The following CXCR5 variants were observed in gnomAD, a reference collection of about 807,000 sequenced individuals.
CXCR5 encodes C-X-C chemokine receptor type 5.
A neutral mutation model predicts 5.6 loss-of-function variants in CXCR5; 3 were observed. The ratio of observed to expected loss-of-function variants is 0.54; its 90% CI spans 0.24 to 1.39. The LOEUF is 1.39. CXCR5 is among the 40% of genes most tolerant of loss of function. The pLI is 0.16. For synonymous variants in CXCR5, 218 were observed against 219.9 expected, an observed-to-expected ratio of 0.99 and a Z score of 0.08; for missense variants, 333 against 494.6, an observed-to-expected ratio of 0.67 and a Z score of 3.10.
At chr11:118,889,543 A>G (rs1458402719) in intron 1 of CXCR5, among the ~76,000 whole-genome samples, 1 of 152,134 alleles carries the variant, frequency 6.6e-6, no homozygotes, top group Non-Finnish European at 1.5e-5. Flanking sequence ...GCCGGAGCCA[A>G]CCTTGCTTTA....
In CXCR5 at chr11:118,891,802, C is replaced by T. The variant is rs534319916; in HGVS notation, c.52-1794C>T. ...AGGAGAATTGCTTGAACCCAGGAGG[C>T]GGAGGTTGCAGTGAGCCGAGATCGT... On this transcript the variant is annotated intron_variant, in intron 1 of 1. Coordinates refer to ENST00000292174, the MANE Select transcript of CXCR5 (RefSeq NM_001716.5). Among the ~76,000 whole-genome samples, 45 of 136,008 alleles carry T rather than the reference C, an allele frequency of 3.3e-4. No homozygotes were observed. In the East Asian group the frequency reaches 0.01, roughly 31 times the overall value. 89.2% of individuals were successfully genotyped at this position (136,008 alleles called of 152,430 possible). A position where few individuals can be genotyped will look rare whatever the true frequency, so the allele number is the denominator to read the frequency against.
At chr11:118,888,101 A>G (rs1030007949) in intron 1 of CXCR5, among the ~76,000 whole-genome samples, 5 of 152,104 alleles carry the variant, frequency 3.3e-5, no homozygotes, top group East Asian at 1.9e-4. Flanking sequence ...GCAGGGCAGG[A>G]CAGACAGAGA....
At position 118,886,740 on chromosome 11, in the gene CXCR5, C is replaced by T. The variant is rs1939720435; in HGVS notation, c.51+2748C>T. 1.4e-5 allele frequency: 3 copies of T among 220,388 alleles called. No homozygotes were observed. In the South Asian group the frequency reaches 1.7e-4, roughly 13 times the overall value. The allele number at this position is 220,388 out of a possible 1,614,324, so 13.7% of individuals were successfully genotyped here. A position where few individuals can be genotyped will look rare whatever the true frequency, so the allele number is the denominator to read the frequency against. ...CTGGTCATAAACTATACCTCCAGCC[C>T]CACCCTGCACACCAGCCGGGAGGGG... On this transcript the variant is annotated intron_variant, in intron 1 of 1. Transcript: ENST00000292174.
intron 1 of CXCR5, among the ~76,000 whole-genome samples, chr11:118,889,525 C>G (rs964270844): frequency 4.6e-5 from 7 of 152,236 alleles, no homozygotes; most frequent in African/African-American, 1.4e-4. Flanking sequence ...TCCTCAATTT[C>G]CCATGAGGCC....
In CXCR5 at chr11:118,893,252, A is replaced by T; in HGVS notation, c.52-344A>T. 3.4e-6 allele frequency: 1 copy of T among 294,770 alleles called. No individual in the cohort carries two copies. The highest frequency in any genetic ancestry group is 5.0e-6 in the Non-Finnish European group (1 of 198,974). 18.3% of individuals were successfully genotyped at this position (294,770 alleles called of 1,614,324 possible). On this transcript the variant is annotated intron_variant, in intron 1 of 1. Transcript: ENST00000292174. The surrounding 1 kb of genome is among the most constrained non-coding windows in gnomAD (Gnocchi z 5.7). ...TTGTACCAAGCAGGTCCATTCCCCAAATTGAAGTCCTGTGACTCCAGCCGC... is the reference window on the plus strand; with the variant it reads ...TTGTACCAAGCAGGTCCATTCCCCATATTGAAGTCCTGTGACTCCAGCCGC...
rs755680507 is a variant in CXCR5 at position 118,893,783 on chromosome 11, G to A, written c.239G>A (p.Arg80Gln). The part of the protein sequence containing the change: ...VLVLVILERH[R>Q]QTRSSTETFL... The stretch of plus-strand genomic sequence containing the variant: ...GTGCTGGTGATCCTGGAGCGGCACC[G>A]GCAGACACGCAGTTCCACGGAGACC... The change falls in exon 2 of 2, where the codon CGG becomes CAG. Residue 80 changes from arginine (R) to glutamine (Q), a missense_variant. Physicochemically the swap from Arg to Gln is conservative, Grantham distance 43 (BLOSUM62 1). Coordinates refer to ENST00000292174, the MANE Select transcript of CXCR5 (RefSeq NM_001716.5). This position sits in a 1 kb window ranked among gnomAD's most constrained non-coding sequence, Gnocchi z 5.7. The A allele has an allele frequency of 1.1e-5, 18 of 1,613,976 alleles. No homozygotes were observed. Among genetic ancestry groups the A allele is most frequent in the South Asian group, 3.3e-5 (3 of 91,088 alleles).
At chr11:118,884,513 C>A (rs1464766365) in intron 1 of CXCR5, among the ~76,000 whole-genome samples, 1 of 151,988 alleles carries the variant, frequency 6.6e-6, no homozygotes, top group African/African-American at 2.4e-5. Context: ...TCTGCTCTGG[C>A]CAGAGAAAAA....
intron 1 of CXCR5, among the ~76,000 whole-genome samples, chr11:118,888,000 G>C (rs1303331432): frequency 6.6e-6 from 1 of 152,146 alleles, no homozygotes; most frequent in African/African-American, 2.4e-5. Context: ...GTCAGGCTGG[G>C]GCATTCACTG....
chr11:118,893,271 C>A lies in CXCR5; in HGVS notation c.52-325C>A. ...TCCCCAAATTGAAGTCCTGTGACTC[C>A]AGCCGCCAAGGCTGCAGGCTTCCGT... On this transcript the variant is annotated intron_variant, in intron 1 of 1. Transcript: ENST00000292174. This position sits in a 1 kb window ranked among gnomAD's most constrained non-coding sequence, Gnocchi z 5.7. 2.2e-6 allele frequency: 1 copy of A among 451,188 alleles called. No homozygotes were observed. Among genetic ancestry groups the A allele is most frequent in the Non-Finnish European group, 2.9e-6 (1 of 342,420 alleles). 27.9% of individuals were successfully genotyped at this position (451,188 alleles called of 1,614,324 possible). A position where few individuals can be genotyped will look rare whatever the true frequency, so the allele number is the denominator to read the frequency against.
chr11:118,891,197 C>T (rs1328699127), intron 1 of CXCR5, among the ~76,000 whole-genome samples: 1 of 152,086 alleles, frequency 6.6e-6, no homozygotes, highest in African/African-American at 2.4e-5. Context: ...GAGATGGGGT[C>T]TCGCTATGTC....
Position 118,896,240 on chromosome 11 carries a change from T to C in CXCR5, c.*1577T>C. 6 of 166,448 alleles carry C rather than the reference T, an allele frequency of 3.6e-5. No individual in the cohort carries two copies. The allele number at this position is 166,448 out of a possible 1,614,324, so 10.3% of individuals were successfully genotyped here. On this transcript the variant is annotated 3_prime_UTR_variant, in exon 2 of 2. Coordinates refer to ENST00000292174, the MANE Select transcript of CXCR5 (RefSeq NM_001716.5). ...AACAAGCCTAAAAATTGTTTCAAAA[T>C]AAAAACCAAGAAGATGTCTTCACAT...
intron 1 of CXCR5, chr11:118,887,307 T>C (rs1021176758): frequency 1.0e-6 from 1 of 985,110 alleles, no homozygotes; most frequent in African/African-American, 1.7e-5. Flanking sequence ...TGGGGAAAAA[T>C]ATTTCCAACC....
intron 1 of CXCR5, among the ~76,000 whole-genome samples, chr11:118,892,351 C>T (rs1391756470): frequency 6.6e-6 from 1 of 152,164 alleles, no homozygotes; most frequent in Non-Finnish European, 1.5e-5. Context: ...TGACCATCCC[C>T]TCCTTGTGGG....
In CXCR5 at chr11:118,894,007, G is replaced by A. The variant is rs377218103; in HGVS notation, c.463G>A (p.Val155Ile). 6.6e-5 allele frequency: 107 copies of A among 1,613,548 alleles called. No homozygotes were observed. The highest frequency in any genetic ancestry group is 1.6e-4 in the Middle Eastern group (1 of 6,084). The change falls in exon 2 of 2, where the codon GTC (valine) becomes ATC (isoleucine). Residue 155 changes from valine to isoleucine, a missense_variant. Physicochemically the swap from Val to Ile is conservative, Grantham distance 29. Coordinates refer to ENST00000292174, the MANE Select transcript of CXCR5 (RefSeq NM_001716.5). This position sits in a 1 kb window ranked among gnomAD's most constrained non-coding sequence, Gnocchi z 6.1. ...CCGCTACCTGGCCATTGTCCACGCC[G>A]TCCATGCCTACCGCCACCGCCGCCT... Reference protein sequence around the residue: ...VDRYLAIVHAVHAYRHRRLLS... With the variant: ...VDRYLAIVHAIHAYRHRRLLS...
At chr11:118,886,334 C>T in intron 1 of CXCR5, 1 of 415,650 alleles carries the variant, frequency 2.4e-6, no homozygotes. Flanking sequence ...CTTTTGGTTA[C>T]ACAAACTTGC....
chr11:118,893,439 G>A lies in CXCR5; in HGVS notation c.52-157G>A. On this transcript the variant is annotated intron_variant, in intron 1 of 1. Transcript: ENST00000292174. This position sits in a 1 kb window ranked among gnomAD's most constrained non-coding sequence, Gnocchi z 5.7. ...TTTGACAGGCGAAAAACTGAAGTTG[G>A]AAAAGACAAAGTGATTTGTTCAAAA... The A allele has an allele frequency of 1.0e-6, 1 of 985,428 alleles. No homozygotes were observed. The highest frequency in any genetic ancestry group is 1.2e-6 in the Non-Finnish European group (1 of 829,940). The allele number at this position is 985,428 out of a possible 1,614,324, so 61.0% of individuals were successfully genotyped here. A position where few individuals can be genotyped will look rare whatever the true frequency, so the allele number is the denominator to read the frequency against.
At chr11:118,892,356 T>C (rs1182599717) in intron 1 of CXCR5, among the ~76,000 whole-genome samples, 1 of 152,068 alleles carries the variant, frequency 6.6e-6, no homozygotes, top group Non-Finnish European at 1.5e-5. Flanking sequence ...ATCCCCTCCT[T>C]GTGGGGGTGC....
At chr11:118,884,139 C>G (rs1939672954) in intron 1 of CXCR5, 147 bp downstream of exon 1, 1 of 772,194 alleles carries the variant, frequency 1.3e-6, no homozygotes, top group African/African-American at 1.7e-5. Context: ...AGCTCCCGCC[C>G]TTTAAGAGTT....
intron 1 of CXCR5, among the ~76,000 whole-genome samples, chr11:118,891,169 T>TA (rs1939802742): frequency 6.7e-6 from 1 of 150,284 alleles, no homozygotes; most frequent in Non-Finnish European, 1.5e-5. Flanking sequence ...ACTTTATTTT[T>TA]TAAAAAAATG....
Sources: allele counts gnomAD v4.1 joint callset (sites outside exome capture counted in the v4.1 genomes callset), GRCh38; gene constraint gnomAD v4.1.1; non-coding constraint Gnocchi (gnomAD v3.1); transcripts MANE v1.5; gene names NCBI Gene and HGNC (gene_info 2026-07-23, HGNC 2026-07-21).